The following PCDHA12 variants were observed in gnomAD, a reference collection of about 807,000 sequenced individuals.
The protein encoded by PCDHA12 is protocadherin alpha 12.
PCDHA12 carries 44 observed loss-of-function variants against 60.0 expected under a neutral mutation model. The ratio of observed to expected loss-of-function variants is 0.73; its 90% CI spans 0.58 to 0.94. The LOEUF (loss-of-function observed/expected upper bound fraction) is 0.94, where lower values mean the gene tolerates loss of function less well. PCDHA12 is among the 40% of genes least tolerant of loss of function. The pLI is 0.00. For missense variants in PCDHA12, 1,276 were observed against 1,239.7 expected, an observed-to-expected ratio of 1.03 and a Z score of -0.44; for synonymous variants, 569 against 553.0, an observed-to-expected ratio of 1.03 and a Z score of -0.40.
At chr5:140,973,324 C>T (rs1261856526) in intron 1 of PCDHA12, among the ~76,000 whole-genome samples, 4 of 152,174 alleles carry the variant, frequency 2.6e-5, no homozygotes, top group Admixed American at 1.3e-4. Context: ...ACAGAGTTTA[C>T]ACTCGTTGTA....
intron 1 of PCDHA12, among the ~76,000 whole-genome samples, chr5:140,938,751 C>A (rs943916265): frequency 6.6e-6 from 1 of 151,978 alleles, no homozygotes; most frequent in Non-Finnish European, 1.5e-5. Flanking sequence ...TTTTTAAAGG[C>A]ATAGTTATTG....
intron 1 of PCDHA12, chr5:140,969,487 T>C: frequency 6.8e-7 from 1 of 1,460,090 alleles, no homozygotes; most frequent in Non-Finnish European, 9.1e-7. Flanking sequence ...TAATCTGCTA[T>C]TTCCTCTCTA....
At chr5:140,883,138 A>G (rs967946520) in intron 1 of PCDHA12, 3 of 1,614,120 alleles carry the variant, frequency 1.9e-6, no homozygotes, top group Non-Finnish European at 2.5e-6. Flanking sequence ...CTGCAGTGGT[A>G]TATGCATTTA....
chr5:140,962,825 G>A (rs962485906), intron 1 of PCDHA12, among the ~76,000 whole-genome samples: 1 of 152,194 alleles, frequency 6.6e-6, no homozygotes, highest in Non-Finnish European at 1.5e-5. Flanking sequence ...ATGACCATTT[G>A]TCTCTTTTTT....
intron 1 of PCDHA12, among the ~76,000 whole-genome samples, chr5:140,925,390 G>A (rs968466600): frequency 6.6e-6 from 1 of 152,032 alleles, no homozygotes; most frequent in Non-Finnish European, 1.5e-5. Flanking sequence ...GTCTCCTTTT[G>A]GCTCGCCTCC....
At chr5:140,904,193 T>C (rs1554191351) in intron 1 of PCDHA12, among the ~76,000 whole-genome samples, 2 of 151,930 alleles carry the variant, frequency 1.3e-5, no homozygotes, top group Non-Finnish European at 2.9e-5. Flanking sequence ...TTCCCACCCT[T>C]TCCCCCTAAG....
In PCDHA12 at chr5:140,927,525, T is replaced by G. The variant is rs782496581; in HGVS notation, c.2367+49686T>G. ...TTACAGCTCGGGACGGCGGGCTACC[T>G]GCCCGCTCAGGAGACGCACAAGTCA... On this transcript the variant is annotated intron_variant, in intron 1 of 3. Transcript: ENST00000398631. 3.1e-6 allele frequency: 5 copies of G among 1,614,088 alleles called. 1 individual carries two copies. In the South Asian group the frequency reaches 5.5e-5, roughly 18 times the overall value.
chr5:141,009,771 T>A lies in PCDHA12; in HGVS notation c.2660T>A (p.Ile887Asn). The change falls in exon 4 of 4, where the codon ATC (isoleucine) becomes AAC (asparagine). Residue 887 changes from isoleucine (I) to asparagine (N), a missense_variant. Transcript: ENST00000398631. The part of the protein sequence containing the change: ...DKFIIPGSPA[I>N]ISIRQEPTNS... ...TTCATTATCCCAGGATCTCCTGCAA[T>A]CATCTCCATCCGGCAGGAGCCTACT... 3 of 1,614,082 alleles carry A rather than the reference T, an allele frequency of 1.9e-6. No homozygotes were observed. Among genetic ancestry groups the A allele is most frequent in the Non-Finnish European group, 2.5e-6 (3 of 1,180,020 alleles).
At chr5:140,949,009 G>A (rs1563235030) in intron 1 of PCDHA12, among the ~76,000 whole-genome samples, 1 of 151,574 alleles carries the variant, frequency 6.6e-6, no homozygotes, top group Non-Finnish European at 1.5e-5. Context: ...ATTTTTATAT[G>A]TGATGTTTTT....
At chr5:140,965,436 G>A (rs1389592396) in intron 1 of PCDHA12, among the ~76,000 whole-genome samples, 1 of 152,038 alleles carries the variant, frequency 6.6e-6, no homozygotes, top group Non-Finnish European at 1.5e-5. Flanking sequence ...TGCAGTCATT[G>A]AAATTGCTGG....
intron 1 of PCDHA12, among the ~76,000 whole-genome samples, chr5:140,913,140 G>T (rs1562991745): frequency 6.6e-6 from 1 of 152,068 alleles, no homozygotes; most frequent in African/African-American, 2.4e-5. Context: ...CTACTTTTTG[G>T]AATAGTTTGA....
chr5:140,915,504 T>C (rs1554196920), intron 1 of PCDHA12, among the ~76,000 whole-genome samples: 1 of 152,136 alleles, frequency 6.6e-6, no homozygotes, highest in Non-Finnish European at 1.5e-5. Context: ...AATACTGTGG[T>C]TTTTGCAGAC....
At chr5:140,892,950 C>G (rs553307667) in intron 1 of PCDHA12, among the ~76,000 whole-genome samples, 21 of 152,188 alleles carry the variant, frequency 1.4e-4, no homozygotes, top group Non-Finnish European at 2.9e-4. Context: ...AATACTACTT[C>G]CATGAGCTCA....
intron 1 of PCDHA12, among the ~76,000 whole-genome samples, chr5:140,891,121 T>C (rs74535477): frequency 0.041 from 6,261 of 152,308 alleles, 144 homozygotes; most frequent in Middle Eastern, 0.061. Context: ...TCAATCTAAA[T>C]GTCATTCCTT....
intron 3 of PCDHA12, among the ~76,000 whole-genome samples, chr5:140,983,182 C>T (rs782457174): frequency 6.6e-6 from 1 of 152,188 alleles, no homozygotes; most frequent in Non-Finnish European, 1.5e-5. Flanking sequence ...CTCACAATTT[C>T]TTAGTTTAGA....
At chr5:140,934,129 T>G (rs150501213) in intron 1 of PCDHA12, among the ~76,000 whole-genome samples, 326 of 152,294 alleles carry the variant, frequency 2.1e-3, no homozygotes, top group African/African-American at 7.4e-3. Context: ...CTTTATTAAT[T>G]TATTTCCTTC....
At chr5:140,967,051 G>T in intron 1 of PCDHA12, 12 of 1,612,562 alleles carry the variant, frequency 7.4e-6, no homozygotes, top group Non-Finnish European at 9.3e-6. Context: ...TGGACCTGAC[G>T]AGTGGAGCGC....
chr5:140,969,822 G>A (rs559271640), intron 1 of PCDHA12, among the ~76,000 whole-genome samples: 68 of 152,320 alleles, frequency 4.5e-4, no homozygotes, highest in Non-Finnish European at 8.4e-4. Flanking sequence ...ACTCTGGACT[G>A]TCTACAGTGG....
At chr5:140,884,320 A>T in intron 1 of PCDHA12, 1 of 1,613,806 alleles carries the variant, frequency 6.2e-7, no homozygotes, top group Non-Finnish European at 8.5e-7. Context: ...GGGCGTCGGC[A>T]GGCGCTGTGG....
Sources: gnomAD v4.1 joint callset for allele counts (sites outside exome capture counted in the v4.1 genomes callset) on GRCh38, gnomAD v4.1.1 for gene constraint, MANE v1.5 for transcripts, NCBI Gene and HGNC (gene_info 2026-07-23, HGNC 2026-07-21) for gene names.